The following ZNF516 variants were observed in gnomAD, a reference collection of about 807,000 sequenced individuals.
The protein encoded by ZNF516 is zinc finger protein 516.
In ZNF516, 19 loss-of-function variants were observed where a neutral mutation model predicts 79.7. The observed-to-expected ratio is 0.24, with a 90% CI of 0.17 to 0.35. The LOEUF (loss-of-function observed/expected upper bound fraction) is 0.35, where lower values mean the gene tolerates loss of function less well. ZNF516 is among the 10% of genes least tolerant of loss of function. The probability of loss-of-function intolerance (pLI) is 1.00; values close to 1 mark genes in which losing one functional copy is unlikely to be tolerated. For missense variants in ZNF516, 1,678 were observed against 1,679.5 expected, an observed-to-expected ratio of 1.00 and a Z score of 0.02; for synonymous variants, 877 against 739.5, an observed-to-expected ratio of 1.19 and a Z score of -3.02.
At chr18:76,479,056 A>G (rs1305874586) in intron 1 of ZNF516, among the ~76,000 whole-genome samples, 1 of 115,990 alleles carries the variant, frequency 8.6e-6, no homozygotes, top group African/African-American at 2.7e-5. Flanking sequence ...GATTCTGTCC[A>G]AAAAAAAAAA....
Position 76,442,362 on chromosome 18 carries a change from G to A in ZNF516, c.693C>T (p.Ser231=), listed in dbSNP as rs373631101. The change falls in exon 3 of 7, where the codon AGC becomes AGT. Residue 231 remains serine (S), a synonymous_variant. Coordinates refer to ENST00000443185, the MANE Select transcript of ZNF516 (RefSeq NM_014643.4). The part of the protein sequence containing the change: ...RDHITAQGPG[S]GEACVENGKP... ...TGCCGTTCTCCACGCAGGCCTCGCC[G>A]CTGCCGGGCCCCTGCGCGGTGATGT... 1.7e-5 allele frequency: 27 copies of A among 1,609,094 alleles called. No individual in the cohort carries two copies. The highest frequency in any genetic ancestry group is 2.0e-5 in the Non-Finnish European group (24 of 1,179,116).
chr18:76,366,932 C>T (rs1187345514), intron 6 of ZNF516, among the ~76,000 whole-genome samples: 2 of 152,226 alleles, frequency 1.3e-5, no homozygotes, highest in African/African-American at 4.8e-5. Flanking sequence ...ATCTGGGTCT[C>T]TCAGAGTAGA....
intron 3 of ZNF516, among the ~76,000 whole-genome samples, chr18:76,391,559 C>T (rs937547512): frequency 5.3e-5 from 8 of 152,228 alleles, no homozygotes; most frequent in Non-Finnish European, 1.0e-4. Context: ...CTAACCGCTC[C>T]CTCTGTCGCT....
At chr18:76,454,015 T>C (rs1215534540) in intron 2 of ZNF516, among the ~76,000 whole-genome samples, 5 of 152,230 alleles carry the variant, frequency 3.3e-5, no homozygotes, top group African/African-American at 1.2e-4. Flanking sequence ...AATACCTATC[T>C]GACATTCTCT....
intron 1 of ZNF516, among the ~76,000 whole-genome samples, chr18:76,475,596 A>G (rs1914127461): frequency 6.6e-6 from 1 of 152,210 alleles, no homozygotes; most frequent in Non-Finnish European, 1.5e-5. Context: ...AACAGGAGAC[A>G]GGACAAAGAA....
At chr18:76,397,363 T>C (rs1449378382) in intron 3 of ZNF516, among the ~76,000 whole-genome samples, 1 of 150,212 alleles carries the variant, frequency 6.7e-6, no homozygotes. Context: ...CAATGTGAAC[T>C]ACAAAAAAAA....
Position 76,442,432 on chromosome 18 carries a change from G to A in ZNF516, c.623C>T (p.Ala208Val), listed in dbSNP as rs747559115. The A allele has an allele frequency of 8.1e-6, 13 of 1,606,572 alleles. No individual in the cohort carries two copies. The highest frequency in any genetic ancestry group is 5.5e-5 in the South Asian group (5 of 91,080). ...KPFKCRLCSY[A>V]TLREESLLSH... Reference sequence around the variant, plus strand: ...CAGCAGCGACTCCTCCCGCAGCGTCGCGTAGCTGCACAGCCTGCACTTGAA... The same window carrying A: ...CAGCAGCGACTCCTCCCGCAGCGTCACGTAGCTGCACAGCCTGCACTTGAA... Residue 208 changes from alanine (A) to valine (V), a missense_variant, in exon 3 of 7, where the codon GCG becomes GTG. This residue lies in a region of ZNF516 where 279 missense variants were observed against 254.1 expected (regional missense o/e 1.10). Transcript: ENST00000443185.
intron 3 of ZNF516, among the ~76,000 whole-genome samples, chr18:76,409,008 CAAAG>C (rs2075338096): frequency 1.3e-5 from 2 of 151,900 alleles, no homozygotes; most frequent in South Asian, 4.1e-4. Flanking sequence ...CTTCAGAAAA[CAAAG>C]AAGCTATAAA....
At chr18:76,392,612 G>T (rs977263784) in intron 3 of ZNF516, among the ~76,000 whole-genome samples, 1 of 138,060 alleles carries the variant, frequency 7.2e-6, no homozygotes, top group Non-Finnish European at 1.5e-5. Flanking sequence ...AGGGCAGGTG[G>T]GAAGACAAGT....
At chr18:76,489,865 T>C (rs548501949) in intron 1 of ZNF516, among the ~76,000 whole-genome samples, 1 of 152,320 alleles carries the variant, frequency 6.6e-6, no homozygotes, top group East Asian at 1.9e-4. Flanking sequence ...CCCATCTCTC[T>C]GCATTGTTGA....
At chr18:76,483,413 T>C (rs1914643001) in intron 1 of ZNF516, among the ~76,000 whole-genome samples, 1 of 152,116 alleles carries the variant, frequency 6.6e-6, no homozygotes, top group African/African-American at 2.4e-5. Flanking sequence ...CATGATCCAC[T>C]CTGTCTCTGC....
At chr18:76,491,110 C>A in intron 1 of ZNF516, 1 of 982,856 alleles carries the variant, frequency 1.0e-6, no homozygotes, top group South Asian at 4.7e-5. Context: ...TTTCCCACCG[C>A]CCCACCTCCG....
At chr18:76,490,207 C>G (rs562060853) in intron 1 of ZNF516, 2 of 985,184 alleles carry the variant, frequency 2.0e-6, no homozygotes, top group African/African-American at 3.5e-5. Flanking sequence ...AAATTAAAGA[C>G]GTCCTCCTAC....
chr18:76,440,734 G>GTGTT (rs1246735527), intron 3 of ZNF516, among the ~76,000 whole-genome samples: 12 of 66,960 alleles, frequency 1.8e-4, no homozygotes, highest in African/African-American at 4.7e-4. Context: ...AAGTGTGTGT[G>GTGTT]TGTGTGTTTG....
In ZNF516 at chr18:76,360,532, TAC is replaced by T. The variant is rs1288881842; in HGVS notation, c.*1964_*1965del. On this transcript the variant is annotated 3_prime_UTR_variant, in exon 7 of 7. Transcript: ENST00000443185. Reference sequence around the variant, plus strand: ...AAAATAACTTTACAGAACAGTCAATTACAGTTGTTTAACTGTATCTGCATGGA... The same window carrying T: ...AAAATAACTTTACAGAACAGTCAATTAGTTGTTTAACTGTATCTGCATGGA... 1 of 151,304 alleles carries T rather than the reference TAC, an allele frequency of 6.6e-6. No individual in the cohort carries two copies. The highest frequency in any genetic ancestry group is 2.4e-5 in the African/African-American group (1 of 41,164). 9.4% of individuals were successfully genotyped at this position (151,304 alleles called of 1,614,324 possible). A position where few individuals can be genotyped will look rare whatever the true frequency, so the allele number is the denominator to read the frequency against.
Position 76,451,377 on chromosome 18 carries a change from TGC to T in ZNF516, c.-157-8168_-157-8167del, listed in dbSNP as rs1466540341. Among the ~76,000 whole-genome samples the T allele has an allele frequency of 1.3e-5, 2 of 152,118 alleles. No individual in the cohort carries two copies. Among genetic ancestry groups the T allele is most frequent in the African/African-American group, 4.8e-5 (2 of 41,406 alleles). ...GTGCAGGGGGGTGACAGCCCGGTCC[TGC>T]GCACATCTCCGCTGACAGGGCATTC... On this transcript the variant is annotated intron_variant, in intron 2 of 6. Coordinates refer to ENST00000443185, the MANE Select transcript of ZNF516 (RefSeq NM_014643.4). This position sits in a 1 kb window ranked among gnomAD's most constrained non-coding sequence, Gnocchi z 6.0.
In ZNF516 at chr18:76,396,389, G is replaced by A. The variant is rs146752380; in HGVS notation, c.1811-16086C>T. ...AAGGTGAAAATGCCCAGTGCCAGGA[G>A]CCCGACGCTGTCTCAGAACTCAGGG... On this transcript the variant is annotated intron_variant, in intron 3 of 6. Coordinates refer to ENST00000443185, the MANE Select transcript of ZNF516 (RefSeq NM_014643.4). Among the ~76,000 whole-genome samples, 439 of 152,262 alleles carry A rather than the reference G, an allele frequency of 2.9e-3. 2 individuals carry two copies. The highest frequency in any genetic ancestry group is 4.5e-3 in the Non-Finnish European group (307 of 68,028).
At position 76,441,981 on chromosome 18, in the gene ZNF516, G is replaced by C; in HGVS notation, c.1074C>G (p.Arg358=). The change falls in exon 3 of 7, where the codon CGC becomes CGG. Residue 358 remains arginine, a synonymous_variant. Transcript: ENST00000443185. The part of the protein sequence containing the change: ...DSLNAHNAIH[R]RVEASRTRAP... ...CGCGCGTGCGGCTGGCCTCGACTCT[G>C]CGGTGGATGGCATTGTGGGCGTTCA... 1 of 1,613,076 alleles carries C rather than the reference G, an allele frequency of 6.2e-7. No individual in the cohort carries two copies. Among genetic ancestry groups the C allele is most frequent in the Non-Finnish European group, 8.5e-7 (1 of 1,179,796 alleles).
At chr18:76,482,915 C>T (rs1011660427) in intron 1 of ZNF516, among the ~76,000 whole-genome samples, 1 of 152,108 alleles carries the variant, frequency 6.6e-6, no homozygotes, top group African/African-American at 2.4e-5. Flanking sequence ...TATATTGGTC[C>T]TATTTTGAGA....
Sources: gnomAD v4.1 joint callset for allele counts (sites outside exome capture counted in the v4.1 genomes callset) on GRCh38, gnomAD v4.1.1 for gene constraint, gnomAD v4.1.1 regional missense constraint, Gnocchi (gnomAD v3.1) non-coding constraint, MANE v1.5 for transcripts, NCBI Gene and HGNC (gene_info 2026-07-23, HGNC 2026-07-21) for gene names.